JAK1: variants seen among roughly 807,000 people sequenced by gnomAD.
JAK1 encodes tyrosine-protein kinase JAK1.
JAK1 carries 16 observed loss-of-function variants against 136.6 expected under a neutral mutation model. The ratio of observed to expected loss-of-function variants is 0.12; its 90% CI spans 0.08 to 0.18. The LOEUF is 0.18. Ranked by LOEUF, JAK1 falls within the 10% of genes least tolerant of loss-of-function variation. The pLI is 1.00. For synonymous variants in JAK1, 492 were observed against 519.5 expected, an observed-to-expected ratio of 0.95 and a Z score of 0.72; for missense variants, 859 against 1,450.1, an observed-to-expected ratio of 0.59 and a Z score of 6.62.
At chr1:64,940,405 C>T (rs777415546) in intron 1 of JAK1, among the ~76,000 whole-genome samples, 3 of 151,740 alleles carry the variant, frequency 2.0e-5, no homozygotes, top group Non-Finnish European at 2.9e-5. Context: ...CAACCTCTGC[C>T]TCTCAGGTTC....
intron 2 of JAK1, among the ~76,000 whole-genome samples, chr1:64,977,417 A>T (rs1315686089): frequency 6.7e-6 from 1 of 148,758 alleles, no homozygotes; most frequent in African/African-American, 2.5e-5. Context: ...ATCCCAAAGT[A>T]CTGGGATTAC....
chr1:65,057,881 C>T (rs1647620516), intron 1 of JAK1: 1 of 153,848 alleles, frequency 6.5e-6, no homozygotes, highest in Non-Finnish European at 1.5e-5. Context: ...AGGCCAGATC[C>T]TAAATATCCT....
At chr1:64,863,560 TAAG>T (rs370097198) in intron 8 of JAK1, among the ~76,000 whole-genome samples, 1 of 152,214 alleles carries the variant, frequency 6.6e-6, no homozygotes, top group African/African-American at 2.4e-5. Context: ...GAGGGGAGAA[TAAG>T]AAAATTAAAA....
chr1:65,031,786 G>C (rs1647025900), intron 2 of JAK1, among the ~76,000 whole-genome samples: 1 of 151,970 alleles, frequency 6.6e-6, no homozygotes, highest in African/African-American at 2.4e-5. Context: ...ACACATGCCA[G>C]AGACAGAGAG....
At chr1:64,961,559 C>T (rs1295323516) in intron 1 of JAK1, among the ~76,000 whole-genome samples, 1 of 152,160 alleles carries the variant, frequency 6.6e-6, no homozygotes, top group Admixed American at 6.6e-5. Flanking sequence ...ATCCAACCTG[C>T]ATGTCCTGCC....
At chr1:65,053,211 G>C (rs1647368866) in intron 1 of JAK1, among the ~76,000 whole-genome samples, 1 of 151,706 alleles carries the variant, frequency 6.6e-6, no homozygotes, top group South Asian at 2.1e-4. Flanking sequence ...GCCAGGCATG[G>C]TGGCATATGC....
At chr1:65,017,819 CT>C (rs943732294) in intron 2 of JAK1, among the ~76,000 whole-genome samples, 470 of 142,304 alleles carry the variant, frequency 3.3e-3, no homozygotes, top group Middle Eastern at 3.6e-3. Context: ...TGAACTCTGC[CT>C]TTTTTTTTTT....
At chr1:65,018,487 A>AAC (rs556710090) in intron 2 of JAK1, among the ~76,000 whole-genome samples, 1,377 of 95,972 alleles carry the variant, frequency 0.014, 9 homozygotes, top group African/African-American at 0.035. Flanking sequence ...AGAGAGAGAG[A>AAC]ACACACACAC....
At chr1:64,957,487 C>T (rs1393996537) in intron 1 of JAK1, among the ~76,000 whole-genome samples, 1 of 152,216 alleles carries the variant, frequency 6.6e-6, no homozygotes, top group Non-Finnish European at 1.5e-5. Flanking sequence ...CTTGGCACAG[C>T]TCTTTCACAC....
At position 64,833,461 on chromosome 1, in the gene JAK1, G is replaced by A. The variant is rs186095392; in HGVS notation, c.*1101C>T. On this transcript the variant is annotated 3_prime_UTR_variant, in exon 25 of 25. Transcript: ENST00000342505. ...TTTCAGACTCTTGGTCATAAAGACC[G>A]TAATCGTTCACATTGAATCAATGAC... 5.6e-5 allele frequency: 13 copies of A among 232,934 alleles called. No individual in the cohort carries two copies. Among genetic ancestry groups the A allele is most frequent in the Admixed American group, 5.1e-4 (9 of 17,780 alleles). The allele number at this position is 232,934 out of a possible 1,614,324, so 14.4% of individuals were successfully genotyped here. A position where few individuals can be genotyped will look rare whatever the true frequency, so the allele number is the denominator to read the frequency against.
chr1:65,001,347 C>T (rs1646754745), intron 2 of JAK1, among the ~76,000 whole-genome samples: 2 of 152,226 alleles, frequency 1.3e-5, no homozygotes, highest in Admixed American at 6.5e-5. Context: ...CAGAGGCCTC[C>T]TGCGGAGCTG....
At position 64,845,640 on chromosome 1, in the gene JAK1, T is replaced by C. The variant is rs766740839; in HGVS notation, c.1988A>G (p.Asn663Ser). 8 of 1,614,028 alleles carry C rather than the reference T, an allele frequency of 5.0e-6. No homozygotes were observed. Among genetic ancestry groups the C allele is most frequent in the Non-Finnish European group, 5.1e-6 (6 of 1,180,034 alleles). Reference protein sequence around the residue: ...LYGVCVRDVENIMVEEFVEGG... With the variant: ...LYGVCVRDVESIMVEEFVEGG... ...TTCCACAAACTCTTCCACCATGATA[T>C]CTGTAGGCATAAAAATAGCCATGTC... The change falls in exon 15 of 25, where the codon AAT becomes AGT. Residue 663 changes from asparagine to serine, a missense_variant and splice_region_variant. Coordinates refer to ENST00000342505, the MANE Select transcript of JAK1 (RefSeq NM_002227.4).
chr1:64,890,544 G>A (rs1206445503), intron 1 of JAK1, among the ~76,000 whole-genome samples: 1 of 152,146 alleles, frequency 6.6e-6, no homozygotes, highest in Admixed American at 6.5e-5. Context: ...GTGAGAAGTT[G>A]AGGCAGGAGA....
intron 2 of JAK1, among the ~76,000 whole-genome samples, chr1:64,980,317 C>T (rs1317883757): frequency 1.3e-5 from 2 of 152,142 alleles, no homozygotes; most frequent in Non-Finnish European, 2.9e-5. Context: ...CACCATGTTA[C>T]AATGAAGGCA....
At chr1:64,947,818 A>G (rs1252228019) in intron 1 of JAK1, among the ~76,000 whole-genome samples, 2 of 151,854 alleles carry the variant, frequency 1.3e-5, no homozygotes, top group Non-Finnish European at 2.9e-5. Context: ...ATTTAACATA[A>G]CATTTCCAGC....
At chr1:64,980,758 G>A (rs552856360) in intron 2 of JAK1, among the ~76,000 whole-genome samples, 16 of 150,598 alleles carry the variant, frequency 1.1e-4, no homozygotes, top group Non-Finnish European at 1.8e-4. Context: ...GGTGTGTGAT[G>A]TTCCCCTTCC....
At chr1:64,865,080 G>A in intron 7 of JAK1, 108 bp from the exon 8 acceptor site, 1 of 815,042 alleles carries the variant, frequency 1.2e-6, no homozygotes, top group Non-Finnish European at 1.9e-6. Context: ...CCAAGGAAGA[G>A]AAAGCCAGCT....
At chr1:65,018,921 GA>G (rs1262069138) in intron 2 of JAK1, among the ~76,000 whole-genome samples, 1 of 152,184 alleles carries the variant, frequency 6.6e-6, no homozygotes, top group Non-Finnish European at 1.5e-5. Context: ...TGAGGCAGGA[GA>G]ACGGGGTGAA....
chr1:65,043,700 A>ATTTTTTTT (rs112982943), intron 2 of JAK1, among the ~76,000 whole-genome samples: 58 of 101,224 alleles, frequency 5.7e-4, no homozygotes, highest in Non-Finnish European at 1.0e-3. Context: ...CACCTGGCTA[A>ATTTTTTTT]TTTTTTTTTT....
Sources: allele counts gnomAD v4.1 joint callset (sites outside exome capture counted in the v4.1 genomes callset), GRCh38; gene constraint gnomAD v4.1.1; transcripts MANE v1.5; gene names NCBI Gene and HGNC (gene_info 2026-07-23, HGNC 2026-07-21).